The following ERC1 variants were observed in gnomAD, a reference collection of about 807,000 sequenced individuals.
The protein encoded by ERC1 is ELKS/RAB6-interacting/CAST family member 1, also known as RAB6 interacting protein 2.
ERC1 carries 56 observed loss-of-function variants against 132.0 expected under a neutral mutation model. That is an observed-to-expected ratio of 0.42 (90% confidence interval 0.34 to 0.53). The LOEUF (loss-of-function observed/expected upper bound fraction) is 0.53. Among genes scored for constraint, ERC1 ranks in the 20% least tolerant of loss-of-function variants. ERC1 has a pLI of 0.03. For missense variants in ERC1, 1,202 were observed against 1,349.9 expected (o/e 0.89, Z 1.72); for synonymous variants, 478 against 476.1 (o/e 1.00, Z -0.05).
At chr12:1,376,106 A>C (rs982496662) in intron 16 of ERC1, among the ~76,000 whole-genome samples, 11 of 152,138 alleles carry the variant, frequency 7.2e-5, no homozygotes, top group African/African-American at 2.4e-4. Context: ...TCAGAATTAC[A>C]CAACCAGCAC....
intron 8 of ERC1, among the ~76,000 whole-genome samples, chr12:1,148,587 T>C (rs1950576838): frequency 6.6e-6 from 1 of 152,100 alleles, no homozygotes; most frequent in Admixed American, 6.6e-5. Flanking sequence ...TTATTAGTGC[T>C]TCTTTTTTAT....
At chr12:1,016,087 A>G (rs1425584979) in intron 1 of ERC1, among the ~76,000 whole-genome samples, 1 of 150,704 alleles carries the variant, frequency 6.6e-6, no homozygotes, top group African/African-American at 2.4e-5. Flanking sequence ...ATCAGGTTGG[A>G]CTAGTAATTT....
rs1158228981 is a variant in ERC1 at position 1,016,654 on chromosome 12, A to AT, written c.-156-11087dup. ...TCTTTTCTTTTTTTTTTTTTTTTTG[A>AT]TTTTTTTGGATACACTGTTTCACTC... On this transcript the variant is annotated intron_variant, in intron 1 of 18. Coordinates refer to ENST00000360905, the MANE Select transcript of ERC1 (RefSeq NM_178040.4). 1.3e-4 allele frequency among the ~76,000 whole-genome samples: 9 copies of AT among 67,662 alleles called. No homozygotes were observed. In the South Asian group the frequency reaches 1.7e-3, roughly 13 times the overall value. The allele number at this position is 67,662 out of a possible 152,430, so 44.4% of individuals were successfully genotyped here.
intron 15 of ERC1, among the ~76,000 whole-genome samples, chr12:1,362,701 G>A (rs966849749): frequency 2.6e-5 from 4 of 152,160 alleles, no homozygotes; most frequent in African/African-American, 9.7e-5. Flanking sequence ...GGCTGCCAAG[G>A]GCTGGAAGGG....
At chr12:1,276,981 T>G (rs1251761329) in intron 14 of ERC1, among the ~76,000 whole-genome samples, 2 of 152,234 alleles carry the variant, frequency 1.3e-5, no homozygotes, top group Admixed American at 6.5e-5. Context: ...GTGTCAGAAT[T>G]GTAGATTTAA....
At chr12:1,357,465 C>T (rs886357370) in intron 15 of ERC1, among the ~76,000 whole-genome samples, 2 of 152,160 alleles carry the variant, frequency 1.3e-5, no homozygotes, top group Non-Finnish European at 2.9e-5. Context: ...ATTCTTAAAA[C>T]AGACATCTAA....
intron 1 of ERC1, among the ~76,000 whole-genome samples, chr12:1,011,399 T>A (rs1964662564): frequency 6.6e-6 from 1 of 152,042 alleles, no homozygotes; most frequent in African/African-American, 2.4e-5. Context: ...AGAGACAGGG[T>A]CTCTCCGTAT....
chr12:1,225,572 C>T (rs958562123), intron 12 of ERC1, among the ~76,000 whole-genome samples: 2 of 151,708 alleles, frequency 1.3e-5, no homozygotes, highest in Non-Finnish European at 2.9e-5. Flanking sequence ...AACACCATAA[C>T]CTAGTTTTAT....
At chr12:1,309,406 A>G (rs1359311814) in intron 15 of ERC1, among the ~76,000 whole-genome samples, 1 of 152,218 alleles carries the variant, frequency 6.6e-6, no homozygotes, top group Non-Finnish European at 1.5e-5. Context: ...GTAGATAGTA[A>G]GATTATCTAA....
At chr12:1,143,062 T>G (rs1310290431) in intron 8 of ERC1, among the ~76,000 whole-genome samples, 2 of 151,892 alleles carry the variant, frequency 1.3e-5, no homozygotes, top group Non-Finnish European at 2.9e-5. Flanking sequence ...CCACATCTGG[T>G]TAATTTTTTG....
At chr12:1,372,129 A>G (rs1012230371) in intron 16 of ERC1, 152 bp downstream of exon 16, 2 of 962,578 alleles carry the variant, frequency 2.1e-6, no homozygotes, top group Non-Finnish European at 3.0e-6. Flanking sequence ...GAGACTTTTT[A>G]TCTCCGCAAA....
At chr12:1,458,535 CTTTTTT>C (rs767876391) in intron 18 of ERC1, among the ~76,000 whole-genome samples, 1 of 133,840 alleles carries the variant, frequency 7.5e-6, no homozygotes, top group Non-Finnish European at 1.6e-5. Context: ...TATGTATTTT[CTTTTTT>C]TTTTTTTTTT....
At chr12:1,345,994 T>G (rs537522723) in intron 15 of ERC1, among the ~76,000 whole-genome samples, 1 of 152,308 alleles carries the variant, frequency 6.6e-6, no homozygotes, top group South Asian at 2.1e-4. Flanking sequence ...TCCCGGATGC[T>G]CTCTTCCTGC....
Position 1,116,209 on chromosome 12 carries a change from T to C in ERC1, c.1569+176T>C, listed in dbSNP as rs4131838. 1,818 of 529,756 alleles carry C rather than the reference T, an allele frequency of 3.4e-3. 10 individuals are homozygous for C. Among genetic ancestry groups the C allele is most frequent in the Non-Finnish European group, 4.1e-3 (1,266 of 311,748 alleles). 32.8% of individuals were successfully genotyped at this position (529,756 alleles called of 1,614,324 possible). A position where few individuals can be genotyped will look rare whatever the true frequency, so the allele number is the denominator to read the frequency against. ...TGTAACCATCTTATTTCAGTTGTTC[T>C]TAGATCTAACAAGTTAAAACAGGTG... On this transcript the variant is annotated intron_variant, in intron 7 of 18. Coordinates refer to ENST00000360905, the MANE Select transcript of ERC1 (RefSeq NM_178040.4).
chr12:1,323,588 A>G (rs939084376), intron 15 of ERC1, among the ~76,000 whole-genome samples: 2 of 152,228 alleles, frequency 1.3e-5, no homozygotes, highest in African/African-American at 2.4e-5. Context: ...GGAAATCACA[A>G]ATCGTAACTA....
chr12:1,207,318 C>CT (rs11361729), intron 12 of ERC1, among the ~76,000 whole-genome samples: 5 of 151,640 alleles, frequency 3.3e-5, no homozygotes, highest in Non-Finnish European at 7.4e-5. Flanking sequence ...TTAGCTAAAG[C>CT]TTTTTTTTAT....
intron 13 of ERC1, among the ~76,000 whole-genome samples, chr12:1,243,389 G>A (rs1350767813): frequency 6.8e-6 from 1 of 146,114 alleles, no homozygotes; most frequent in East Asian, 1.9e-4. Flanking sequence ...GTAATGAAAC[G>A]TGAGAGATAC....
At position 1,206,255 on chromosome 12, in the gene ERC1, A is replaced by G. The variant is rs139615366; in HGVS notation, c.2351+16203A>G. 2.4e-3 allele frequency among the ~76,000 whole-genome samples: 371 copies of G among 152,184 alleles called. 2 individuals are homozygous for G. The highest frequency in any genetic ancestry group is 8.3e-3 in the African/African-American group (347 of 41,558). On this transcript the variant is annotated intron_variant, in intron 12 of 18. Transcript: ENST00000360905. ...TTTTAATTGTGGTTTTGCCAAGTCC[A>G]GTTGAATAGGTCATAAAGAGAGTAT... is the stretch of plus-strand genomic sequence containing the variant.
At chr12:1,380,079 A>T (rs1267340764) in intron 16 of ERC1, 1 of 152,252 alleles carries the variant, frequency 6.6e-6, no homozygotes, top group Non-Finnish European at 1.5e-5. Flanking sequence ...AGAAAAGTAC[A>T]TACTGTATGA....
Sources: allele counts gnomAD v4.1 joint callset (sites outside exome capture counted in the v4.1 genomes callset), GRCh38; gene constraint gnomAD v4.1.1; transcripts MANE v1.5; gene names NCBI Gene and HGNC (gene_info 2026-07-23, HGNC 2026-07-21).